The following CASTOR2 variants were observed in gnomAD, a reference collection of about 807,000 sequenced individuals.
CASTOR2 encodes GATS protein like 2.
A neutral mutation model predicts 31.2 loss-of-function variants in CASTOR2; 8 were observed. The ratio of observed to expected loss-of-function variants is 0.26; its 90% confidence interval spans 0.15 to 0.46. CASTOR2 has a LOEUF of 0.46. Among genes scored for constraint, CASTOR2 ranks in the 20% least tolerant of loss-of-function variants. CASTOR2 has a pLI of 0.99. For missense variants in CASTOR2, 216 were observed against 382.1 expected (o/e 0.57, Z 3.62); for synonymous variants, 162 against 158.7 (o/e 1.02, Z -0.16).
intron 1 of CASTOR2, among the ~76,000 whole-genome samples, chr7:74,967,509 C>T (rs2523310): frequency 0.85 from 106,867 of 125,106 alleles, 46,020 homozygotes; most frequent in East Asian, 0.98. Flanking sequence ...CACAGCATGC[C>T]CTGAGGGTCC....
Position 75,024,766 on chromosome 7 carries a change from A to G in CASTOR2, c.*67A>G. ...CCCTAACCCTGAAGATTGATCTTGCAGTATTTCTCTACAGACTGGAAAATC... is the reference window on the plus strand; with the variant it reads ...CCCTAACCCTGAAGATTGATCTTGCGGTATTTCTCTACAGACTGGAAAATC... On this transcript the variant is annotated 3_prime_UTR_variant, in exon 9 of 9. Transcript: ENST00000616305. 1 of 1,551,348 alleles carries G rather than the reference A, an allele frequency of 6.4e-7. No homozygotes were observed. The highest frequency in any genetic ancestry group is 2.4e-5 in the East Asian group (1 of 40,914).
chr7:75,027,828 C>T lies in CASTOR2; in HGVS notation c.*3129C>T. On this transcript the variant is annotated 3_prime_UTR_variant, in exon 9 of 9. Transcript: ENST00000616305. Reference sequence around the variant, plus strand: ...TAGCGTAGTCTTGGTTTGGTCTCCACAGCTCTTCGGGGTGGGGTGTGAGTG... The same window carrying T: ...TAGCGTAGTCTTGGTTTGGTCTCCATAGCTCTTCGGGGTGGGGTGTGAGTG... 3.1e-6 allele frequency: 2 copies of T among 647,424 alleles called. No homozygotes were observed. The highest frequency in any genetic ancestry group is 2.8e-5 in the East Asian group (1 of 36,318). The allele number at this position is 647,424 out of a possible 1,614,324, so 40.1% of individuals were successfully genotyped here. A position where few individuals can be genotyped will look rare whatever the true frequency, so the allele number is the denominator to read the frequency against.
intron 1 of CASTOR2, among the ~76,000 whole-genome samples, chr7:74,992,449 T>C (rs1305788598): frequency 6.6e-6 from 1 of 151,282 alleles, no homozygotes; most frequent in African/African-American, 2.4e-5. Flanking sequence ...ACGAAAAGAT[T>C]TTTTTTTTAA....
intron 1 of CASTOR2, among the ~76,000 whole-genome samples, chr7:75,006,890 G>T (rs1804619281): frequency 8.0e-6 from 1 of 124,950 alleles, no homozygotes; most frequent in Non-Finnish European, 1.6e-5. Context: ...GTGGAACTAT[G>T]AGTCCATTAA....
chr7:74,973,252 C>G lies in CASTOR2; in HGVS notation c.113+8154C>G, dbSNP rs373728902. On this transcript the variant is annotated intron_variant, in intron 1 of 8. Transcript: ENST00000616305. ...CAGAGATGATGATCATGCCTGTAAC[C>G]TAAGTGGTTGTGAGGGCTTGATGAG... Among the ~76,000 whole-genome samples the G allele has an allele frequency of 2.9e-3, 431 of 149,990 alleles. 5 individuals are homozygous for G. Among genetic ancestry groups the G allele is most frequent in the Non-Finnish European group, 4.8e-3 (326 of 67,276 alleles).
At chr7:75,002,404 A>AG (rs1804518592) in intron 1 of CASTOR2, among the ~76,000 whole-genome samples, 1 of 151,146 alleles carries the variant, frequency 6.6e-6, no homozygotes, top group African/African-American at 2.4e-5. Context: ...GGATCTTCTG[A>AG]GGTCAGGAGT....
intron 2 of CASTOR2, among the ~76,000 whole-genome samples, chr7:75,016,752 C>T (rs1447554061): frequency 2.0e-5 from 3 of 152,318 alleles, no homozygotes; most frequent in South Asian, 2.1e-4. Flanking sequence ...AACTGAGGCT[C>T]GGTGCAGATC....
chr7:75,016,065 CAA>C (rs1156643766), intron 2 of CASTOR2, among the ~76,000 whole-genome samples: 1 of 147,596 alleles, frequency 6.8e-6, no homozygotes, highest in African/African-American at 2.5e-5. Context: ...GGCTCCATCT[CAA>C]AAAAAAAAAT....
chr7:75,017,865 C>G, intron 3 of CASTOR2, 74 bp downstream of exon 3: 1 of 1,613,872 alleles, frequency 6.2e-7, no homozygotes, highest in South Asian at 1.1e-5. Flanking sequence ...TCTCCCACCC[C>G]TTGCAGCCTT....
At chr7:75,003,283 C>CA (rs1202946114) in intron 1 of CASTOR2, among the ~76,000 whole-genome samples, 2 of 151,806 alleles carry the variant, frequency 1.3e-5, no homozygotes, top group African/African-American at 2.4e-5. Context: ...CCTGTCTCTA[C>CA]AAAAAATAAA....
chr7:74,976,012 A>G (rs587644791), intron 1 of CASTOR2, among the ~76,000 whole-genome samples: 1 of 148,368 alleles, frequency 6.7e-6, no homozygotes, highest in Admixed American at 6.8e-5. Flanking sequence ...AAGCCTTCCA[A>G]TGGATTGCAG....
At position 75,029,421 on chromosome 7, in the gene CASTOR2, G is replaced by A. The variant is rs1304247010; in HGVS notation, c.*4722G>A. ...TGCAGTGGTGCGATCTCGGTTCGCTGCAACCTCTGCTTCCCAGGTTCAAGT... is the reference window on the plus strand; with the variant it reads ...TGCAGTGGTGCGATCTCGGTTCGCTACAACCTCTGCTTCCCAGGTTCAAGT... On this transcript the variant is annotated 3_prime_UTR_variant, in exon 9 of 9. Coordinates refer to ENST00000616305, the MANE Select transcript of CASTOR2 (RefSeq NM_001145064.3). Among the ~76,000 whole-genome samples, 1 of 147,272 alleles carries A rather than the reference G, an allele frequency of 6.8e-6. No individual in the cohort carries two copies. The highest frequency in any genetic ancestry group is 2.5e-5 in the African/African-American group (1 of 39,498).
intron 1 of CASTOR2, among the ~76,000 whole-genome samples, chr7:74,994,402 G>T (rs1804288806): frequency 6.6e-6 from 1 of 152,182 alleles, no homozygotes; most frequent in Non-Finnish European, 1.5e-5. Context: ...CTAAGCCTCA[G>T]TTTCCTCATC....
At chr7:75,006,242 T>A (rs1804603123) in intron 1 of CASTOR2, among the ~76,000 whole-genome samples, 1 of 152,142 alleles carries the variant, frequency 6.6e-6, no homozygotes, top group African/African-American at 2.4e-5. Flanking sequence ...TGTGATTGCA[T>A]CACTGCACTC....
At chr7:75,015,567 C>T (rs1274126168) in intron 2 of CASTOR2, among the ~76,000 whole-genome samples, 20 of 152,216 alleles carry the variant, frequency 1.3e-4, no homozygotes, top group Non-Finnish European at 1.8e-4. Flanking sequence ...CATGAGCCAC[C>T]GCCTCCAGCC....
At chr7:75,011,008 ATG>A (rs1804730314) in intron 2 of CASTOR2, among the ~76,000 whole-genome samples, 1 of 151,942 alleles carries the variant, frequency 6.6e-6, no homozygotes, top group East Asian at 1.9e-4. Context: ...ACCCACCACC[ATG>A]CCCGGCTAAT....
intron 2 of CASTOR2, among the ~76,000 whole-genome samples, chr7:75,013,945 T>C (rs1275520585): frequency 6.6e-6 from 1 of 152,008 alleles, no homozygotes; most frequent in African/African-American, 2.4e-5. Context: ...GTCAGGCTGG[T>C]CTTGAACTCC....
In CASTOR2 at chr7:74,966,767, T is replaced by G. The variant is rs1803578807; in HGVS notation, c.113+1669T>G. Among the ~76,000 whole-genome samples, 2 of 52,130 alleles carry G rather than the reference T, an allele frequency of 3.8e-5. 1 individual carries two copies. Among genetic ancestry groups the G allele is most frequent in the Non-Finnish European group, 1.2e-4 (2 of 16,918 alleles). The allele number at this position is 52,130 out of a possible 152,430, so 34.2% of individuals were successfully genotyped here. A position where few individuals can be genotyped will look rare whatever the true frequency, so the allele number is the denominator to read the frequency against. On this transcript the variant is annotated intron_variant, in intron 1 of 8. Coordinates refer to ENST00000616305, the MANE Select transcript of CASTOR2 (RefSeq NM_001145064.3). ...GCGGCTGTGCACAGGGCCTGGGTGC[T>G]GGAAGCGGGGGCATTTGGGGGCTTC...
chr7:74,990,184 G>C (rs1288412038), intron 1 of CASTOR2, among the ~76,000 whole-genome samples: 3 of 151,208 alleles, frequency 2.0e-5, no homozygotes, highest in Admixed American at 1.3e-4. Context: ...GTCAGGAGAT[G>C]GAGACCATCC....
Sources: gnomAD v4.1 joint callset for allele counts (sites outside exome capture counted in the v4.1 genomes callset) on GRCh38, gnomAD v4.1.1 for gene constraint, MANE v1.5 for transcripts, NCBI Gene and HGNC (gene_info 2026-07-23, HGNC 2026-07-21) for gene names.